CALCRL: variants seen among roughly 807,000 people sequenced by gnomAD.
The protein encoded by CALCRL is calcitonin gene-related peptide type 1 receptor.
In CALCRL, 27 loss-of-function variants were observed where a neutral mutation model predicts 60.4. The ratio of observed to expected loss-of-function variants is 0.45; its 90% confidence interval spans 0.33 to 0.62. The LOEUF (loss-of-function observed/expected upper bound fraction) is 0.62. Ranked by LOEUF, CALCRL falls within the 20% of genes least tolerant of loss-of-function variation. The probability of loss-of-function intolerance (pLI) is 0.03; values close to 1 mark genes in which losing one functional copy is unlikely to be tolerated. For synonymous variants in CALCRL, 190 were observed against 182.6 expected, an observed-to-expected ratio of 1.04 and a Z score of -0.33; for missense variants, 424 against 540.7, an observed-to-expected ratio of 0.78 and a Z score of 2.14.
intron 1 of CALCRL, among the ~76,000 whole-genome samples, chr2:187,393,816 T>C (rs1688548946): frequency 6.6e-6 from 1 of 152,092 alleles, no homozygotes; most frequent in Non-Finnish European, 1.5e-5. Flanking sequence ...GTCATCTTGC[T>C]TGGGGACCAG....
At chr2:187,376,838 A>G (rs961307845) in intron 8 of CALCRL, among the ~76,000 whole-genome samples, 1 of 152,114 alleles carries the variant, frequency 6.6e-6, no homozygotes, top group Non-Finnish European at 1.5e-5. Context: ...ATGTGCTCGG[A>G]TATTTCAACT....
At chr2:187,363,270 AATATAC>A (rs1687137614) in intron 9 of CALCRL, 100 bp downstream of exon 9, 6 of 1,084,984 alleles carry the variant, frequency 5.5e-6, no homozygotes, top group African/African-American at 1.6e-5. Context: ...CAGACTTGAA[AATATAC>A]ATATATGTGT....
intron 1 of CALCRL, among the ~76,000 whole-genome samples, chr2:187,407,327 A>G (rs1462182512): frequency 1.3e-5 from 2 of 152,126 alleles, no homozygotes; most frequent in East Asian, 3.8e-4. Flanking sequence ...AGTAAAACCC[A>G]CATATATTTA....
intron 8 of CALCRL, among the ~76,000 whole-genome samples, chr2:187,368,107 T>C (rs951327321): frequency 7.2e-5 from 11 of 152,118 alleles, no homozygotes; most frequent in African/African-American, 2.7e-4. Flanking sequence ...GAATCTTTAA[T>C]TTCCTAATCT....
chr2:187,344,332 TTA>T lies in CALCRL; in HGVS notation c.*1850_*1851del, dbSNP rs1337401557. On this transcript the variant is annotated 3_prime_UTR_variant, in exon 15 of 15. Coordinates refer to ENST00000392370, the MANE Select transcript of CALCRL (RefSeq NM_005795.6). ...TTCTTACGAATTTAGATAATTTGTC[TTA>T]GCAATTTGAAATAAGTTCTGAACTC... is the stretch of plus-strand genomic sequence containing the variant. 1.3e-5 allele frequency: 2 copies of T among 151,648 alleles called. No individual in the cohort carries two copies. Among genetic ancestry groups the T allele is most frequent in the Non-Finnish European group, 3.0e-5 (2 of 67,672 alleles). The allele number at this position is 151,648 out of a possible 1,614,324, so 9.4% of individuals were successfully genotyped here. A position where few individuals can be genotyped will look rare whatever the true frequency, so the allele number is the denominator to read the frequency against.
chr2:187,417,805 G>A (rs1416808420), intron 1 of CALCRL, among the ~76,000 whole-genome samples: 2 of 152,020 alleles, frequency 1.3e-5, no homozygotes, highest in Non-Finnish European at 2.9e-5. Context: ...TAGATTTTGT[G>A]ATAAAAGTTA....
chr2:187,434,911 T>C (rs1160483258), intron 1 of CALCRL, among the ~76,000 whole-genome samples: 1 of 152,076 alleles, frequency 6.6e-6, no homozygotes, highest in Non-Finnish European at 1.5e-5. Flanking sequence ...AAAAATAAAG[T>C]AATAGTTTGC....
At chr2:187,373,607 C>A (rs17366895) in intron 8 of CALCRL, among the ~76,000 whole-genome samples, 15,484 of 152,076 alleles carry the variant, frequency 0.1, 908 homozygotes, top group South Asian at 0.17. Flanking sequence ...TATATTCAAA[C>A]CTCGTAATGG....
chr2:187,428,170 A>T (rs958995498), intron 1 of CALCRL, among the ~76,000 whole-genome samples: 4 of 152,338 alleles, frequency 2.6e-5, no homozygotes, highest in Middle Eastern at 6.8e-3. Flanking sequence ...TCTTTTAGTG[A>T]TGAAGAAGTA....
chr2:187,343,460 C>A lies in CALCRL; in HGVS notation c.*2724G>T, dbSNP rs1279298436. 1 of 151,678 alleles carries A rather than the reference C, an allele frequency of 6.6e-6. No homozygotes were observed. The highest frequency in any genetic ancestry group is 1.5e-5 in the Non-Finnish European group (1 of 67,484). The allele number at this position is 151,678 out of a possible 1,614,324, so 9.4% of individuals were successfully genotyped here. Reference sequence around the variant, plus strand: ...ACCAAGAGAAAATTAAAAGTAAGTTCACATTTAAAAAAAATTATAAGCAAT... The same window carrying A: ...ACCAAGAGAAAATTAAAAGTAAGTTAACATTTAAAAAAAATTATAAGCAAT... On this transcript the variant is annotated 3_prime_UTR_variant, in exon 15 of 15. Transcript: ENST00000392370.
chr2:187,443,033 T>C (rs1352599188), intron 1 of CALCRL, among the ~76,000 whole-genome samples: 1 of 151,900 alleles, frequency 6.6e-6, no homozygotes, highest in African/African-American at 2.4e-5. Flanking sequence ...ATAATTTTTG[T>C]TTAATATACC....
At chr2:187,409,523 C>A (rs139806139) in intron 1 of CALCRL, among the ~76,000 whole-genome samples, 1 of 152,304 alleles carries the variant, frequency 6.6e-6, no homozygotes, top group East Asian at 1.9e-4. Context: ...AAATGTCATG[C>A]TGTACCTTGG....
At chr2:187,366,027 A>C (rs1440834021) in intron 8 of CALCRL, among the ~76,000 whole-genome samples, 1 of 151,282 alleles carries the variant, frequency 6.6e-6, no homozygotes, top group Non-Finnish European at 1.5e-5. Context: ...GTGGATCATG[A>C]GGTCAGGAGA....
At chr2:187,430,436 C>T (rs1032113948) in intron 1 of CALCRL, among the ~76,000 whole-genome samples, 5 of 152,046 alleles carry the variant, frequency 3.3e-5, no homozygotes, top group Admixed American at 1.3e-4. Flanking sequence ...AATTGTCAAA[C>T]GTTTGCAGTC....
chr2:187,399,009 A>T (rs931427836), intron 1 of CALCRL, among the ~76,000 whole-genome samples: 4 of 151,620 alleles, frequency 2.6e-5, no homozygotes, highest in African/African-American at 7.3e-5. Context: ...GTGTAGTGGA[A>T]TAATCACTAT....
At chr2:187,446,665 A>G (rs1691202381) in intron 1 of CALCRL, among the ~76,000 whole-genome samples, 1 of 151,892 alleles carries the variant, frequency 6.6e-6, no homozygotes, top group Admixed American at 6.6e-5. Context: ...TATAATGGCT[A>G]AAGTCACATT....
intron 12 of CALCRL, among the ~76,000 whole-genome samples, chr2:187,355,782 G>A (rs2105711106): frequency 6.6e-6 from 1 of 152,226 alleles, no homozygotes; most frequent in East Asian, 1.9e-4. Flanking sequence ...TCCTTAAGCT[G>A]ATAAGCAACT....
At position 187,371,285 on chromosome 2, in the gene CALCRL, G is replaced by C. The variant is rs568726071; in HGVS notation, c.500+7655C>G. On this transcript the variant is annotated intron_variant, in intron 8 of 14. Transcript: ENST00000392370. ...ATAAATAATATCTAATGTAAAGCCT[G>C]GGATACAGACCGCAGAATAGGCTAT... Among the ~76,000 whole-genome samples, 40 of 151,850 alleles carry C rather than the reference G, an allele frequency of 2.6e-4. No individual in the cohort carries two copies. The East Asian group carries it at 6.0e-3, about 23-fold the overall frequency.
At chr2:187,405,440 G>C (rs1381707191) in intron 1 of CALCRL, among the ~76,000 whole-genome samples, 1 of 151,920 alleles carries the variant, frequency 6.6e-6, no homozygotes, top group Non-Finnish European at 1.5e-5. Context: ...ACTCTGCTTT[G>C]TTACGGAGTA....
Sources: allele counts gnomAD v4.1 joint callset (sites outside exome capture counted in the v4.1 genomes callset), GRCh38; gene constraint gnomAD v4.1.1; transcripts MANE v1.5; gene names NCBI Gene and HGNC (gene_info 2026-07-23, HGNC 2026-07-21).